The following SELENOO variants were observed in gnomAD, a reference collection of about 807,000 sequenced individuals.
The protein encoded by SELENOO is selenoprotein O.
A neutral mutation model predicts 58.7 loss-of-function variants in SELENOO; 74 were observed. The observed-to-expected ratio is 1.26, with a 90% CI of 1.04 to 1.53. The LOEUF is 1.53. Ranked by LOEUF, SELENOO falls within the 40% of genes most tolerant of loss-of-function variation. The probability of loss-of-function intolerance (pLI) is 0.00; values close to 1 mark genes in which losing one functional copy is unlikely to be tolerated. For missense variants in SELENOO, 1,149 were observed against 970.0 expected (o/e 1.18, Z -2.45); for synonymous variants, 543 against 453.2 (o/e 1.20, Z -2.52).
At chr22:50,216,568 G>C in intron 6 of SELENOO, 123 bp from the exon 7 acceptor site, 1 of 894,334 alleles carries the variant, frequency 1.1e-6, no homozygotes, top group Non-Finnish European at 1.7e-6. Context: ...CTCGGGGACC[G>C]GGCTGCTTGG....
In SELENOO at chr22:50,201,080, C is replaced by T. The variant is rs1233961081; in HGVS notation, c.44C>T (p.Ala15Val). The T allele has an allele frequency of 2.2e-6, 3 of 1,366,252 alleles. No individual in the cohort carries two copies. The highest frequency in any genetic ancestry group is 3.1e-5 in the East Asian group (1 of 32,318). 84.6% of individuals were successfully genotyped at this position (1,366,252 alleles called of 1,614,324 possible). The change falls in exon 1 of 9, where the codon GCC (alanine) becomes GTC (valine). Residue 15 changes from alanine to valine, a missense_variant. Physicochemically the swap from Ala to Val is moderately conservative, Grantham distance 64 (BLOSUM62 0). Coordinates refer to ENST00000380903, the MANE Select transcript of SELENOO (RefSeq NM_031454.2). ...GCGCTCGGGGCTTCGCTCGCGGCTG[C>T]CCGACTCTTGCCCCTCGGTCGCTGT... ...RAALGASLAAARLLPLGRCSP... is the reference protein window; with the variant it reads ...RAALGASLAAVRLLPLGRCSP...
intron 2 of SELENOO, among the ~76,000 whole-genome samples, chr22:50,208,289 G>A (rs887983889): frequency 1.3e-5 from 2 of 152,120 alleles, no homozygotes; most frequent in Non-Finnish European, 2.9e-5. Context: ...AATTAGCTGG[G>A]CGTGGTGGCG....
intron 3 of SELENOO, 121 bp downstream of exon 3, chr22:50,208,837 T>A: frequency 1.0e-6 from 1 of 962,126 alleles, no homozygotes; most frequent in Non-Finnish European, 1.5e-6. Flanking sequence ...CGCCCTTCTC[T>A]GAGCTCCCGC....
rs1473012861 is a variant in SELENOO, at chr22:50,201,776, T to C, written c.554+186T>C. Reference sequence around the variant, plus strand: ...TATCAACCCGCCGAGGACCTTGGAGTCAGCTCCACCAGGGACGCCGCTCAT... The same window carrying C: ...TATCAACCCGCCGAGGACCTTGGAGCCAGCTCCACCAGGGACGCCGCTCAT... On this transcript the variant is annotated intron_variant, in intron 1 of 8. Coordinates refer to ENST00000380903, the MANE Select transcript of SELENOO (RefSeq NM_031454.2). Among the ~76,000 whole-genome samples, 3 of 152,174 alleles carry C rather than the reference T, an allele frequency of 2.0e-5. No homozygotes were observed. The East Asian group carries it at 5.8e-4, about 29-fold the overall frequency.
At chr22:50,216,595 T>G in intron 6 of SELENOO, 96 bp from the exon 7 acceptor site, 6 of 1,199,174 alleles carry the variant, frequency 5.0e-6, no homozygotes, top group African/African-American at 1.5e-5. Context: ...GGACTCTAGG[T>G]GAGCCGTGAG....
chr22:50,206,330 C>A lies in SELENOO; in HGVS notation c.568C>A (p.Arg190Ser). ...PTPFSRQADGRKVLRSSIREF... is the reference protein window; with the variant it reads ...PTPFSRQADGSKVLRSSIREF... Reference sequence around the variant, plus strand: ...GTTTGGTTTCAGACAGGCCGACGGTCGCAAGGTCCTACGGTCAAGCATCCG... The same window carrying A: ...GTTTGGTTTCAGACAGGCCGACGGTAGCAAGGTCCTACGGTCAAGCATCCG... Residue 190 changes from arginine (R) to serine (S), a missense_variant, in exon 2 of 9, where the codon CGC becomes AGC. Arg to Ser is a moderately radical substitution (Grantham distance 110, BLOSUM62 -1). Coordinates refer to ENST00000380903, the MANE Select transcript of SELENOO (RefSeq NM_031454.2). 1 of 1,613,736 alleles carries A rather than the reference C, an allele frequency of 6.2e-7. No individual in the cohort carries two copies. Among genetic ancestry groups the A allele is most frequent in the South Asian group, 1.1e-5 (1 of 91,026 alleles).
In SELENOO at chr22:50,204,597, G is replaced by A. The variant is rs187874557; in HGVS notation, c.555-1720G>A. ...AGCCGAGATCACGCCACTGTCCCTG[G>A]GTGACAGAGTGAGACCCTGTCTCAA... On this transcript the variant is annotated intron_variant, in intron 1 of 8. Coordinates refer to ENST00000380903, the MANE Select transcript of SELENOO (RefSeq NM_031454.2). 1.1e-3 allele frequency among the ~76,000 whole-genome samples: 165 copies of A among 150,658 alleles called. 1 individual carries two copies. Among genetic ancestry groups the A allele is most frequent in the Admixed American group, 8.9e-3 (135 of 15,096 alleles).
chr22:50,210,221 G>A lies in SELENOO; in HGVS notation c.980G>A (p.Cys327Tyr). The A allele has an allele frequency of 1.9e-6, 3 of 1,613,390 alleles. No homozygotes were observed. The highest frequency in any genetic ancestry group is 2.5e-6 in the Non-Finnish European group (3 of 1,179,958). Residue 327 changes from cysteine to tyrosine, a missense_variant, in exon 4 of 9, where the codon TGT becomes TAT. Coordinates refer to ENST00000380903, the MANE Select transcript of SELENOO (RefSeq NM_031454.2). Reference sequence around the variant, plus strand: ...GCGCGGATGGTGGCCGAGTGGCAGTGTGTGGGCTTCTGCCACGGCGTGCTC... The same window carrying A: ...GCGCGGATGGTGGCCGAGTGGCAGTATGTGGGCTTCTGCCACGGCGTGCTC... Reference protein sequence around the residue: ...RTARMVAEWQCVGFCHGVLNT... With the variant: ...RTARMVAEWQYVGFCHGVLNT...
chr22:50,212,889 C>T (rs1307294049), intron 5 of SELENOO, among the ~76,000 whole-genome samples: 2 of 151,976 alleles, frequency 1.3e-5, no homozygotes, highest in South Asian at 2.1e-4. Context: ...AGTTACGCAG[C>T]GTGTGCCTGT....
In SELENOO at chr22:50,210,288, C is replaced by T. The variant is rs529648565; in HGVS notation, c.1047C>T (p.Tyr349=). Residue 349 remains tyrosine (Y), a synonymous_variant, in exon 4 of 9, where the codon TAC becomes TAT. Transcript: ENST00000380903. The part of the protein sequence containing the change: ...NMSILGLTID[Y]GPFGFLDRYD... Reference sequence around the variant, plus strand: ...GCATCCTGGGGCTCACCATCGACTACGGGCCCTTTGGCTTCCTGGACAGGT... The same window carrying T: ...GCATCCTGGGGCTCACCATCGACTATGGGCCCTTTGGCTTCCTGGACAGGT... 21 of 1,613,296 alleles carry T rather than the reference C, an allele frequency of 1.3e-5. No homozygotes were observed. Among genetic ancestry groups the T allele is most frequent in the Admixed American group, 6.7e-5 (4 of 60,002 alleles).
chr22:50,210,092 A>G (rs1602492396), intron 3 of SELENOO, 89 bp from the exon 4 acceptor site: 4 of 1,497,676 alleles, frequency 2.7e-6, no homozygotes, highest in Middle Eastern at 2.3e-4. Flanking sequence ...AGCGAAGCAC[A>G]GCCGGTTTCA....
At position 50,210,647 on chromosome 22, in the gene SELENOO, G is replaced by C. The variant is rs370093766; in HGVS notation, c.1087G>C (p.Val363Leu). 1.1e-4 allele frequency: 174 copies of C among 1,612,766 alleles called. No homozygotes were observed. Among genetic ancestry groups the C allele is most frequent in the Non-Finnish European group, 1.4e-4 (167 of 1,179,854 alleles). ...GFLDRYDPDHVCNASDNTGRY... is the reference protein window; with the variant it reads ...GFLDRYDPDHLCNASDNTGRY... ...GTGTGGCAGGTACGACCCCGACCACGTGTGCAATGCCTCCGACAACACCGG... is the reference window on the plus strand; with the variant it reads ...GTGTGGCAGGTACGACCCCGACCACCTGTGCAATGCCTCCGACAACACCGG... The change falls in exon 5 of 9, where the codon GTG becomes CTG. Residue 363 changes from valine (V) to leucine (L), a missense_variant. Physicochemically the swap from Val to Leu is conservative, Grantham distance 32. Transcript: ENST00000380903.
Position 50,206,494 on chromosome 22 carries a change from G to A in SELENOO, c.732G>A (p.Val244=), listed in dbSNP as rs1159051899. 3 of 1,613,844 alleles carry A rather than the reference G, an allele frequency of 1.9e-6. No homozygotes were observed. Among genetic ancestry groups the A allele is most frequent in the Admixed American group, 1.7e-5 (1 of 59,974 alleles). Residue 244 remains valine (V), a synonymous_variant, in exon 2 of 9, where the codon GTG becomes GTA. Coordinates refer to ENST00000380903, the MANE Select transcript of SELENOO (RefSeq NM_031454.2). ...GNPKYEQCTV[V]LRVASTFIRF... ...CCAAATATGAACAATGCACGGTTGT[G>A]TTGCGTGTAGCTTCCACTTTCATAA...
Position 50,205,831 on chromosome 22 carries a change from C to T in SELENOO, c.555-486C>T, listed in dbSNP as rs796289740. 3.0e-5 allele frequency: 5 copies of T among 168,790 alleles called. 1 individual carries two copies. The highest frequency in any genetic ancestry group is 1.2e-4 in the Admixed American group (2 of 16,850). 10.5% of individuals were successfully genotyped at this position (168,790 alleles called of 1,614,324 possible). On this transcript the variant is annotated intron_variant, in intron 1 of 8. Transcript: ENST00000380903. ...AGGCCAGCGCTGTCGGAGCCTCGGG[C>T]GGGTTTTGCGGGGCGGGCAGCTGGC...
intron 1 of SELENOO, among the ~76,000 whole-genome samples, chr22:50,204,670 T>C (rs2064321754): frequency 6.6e-6 from 1 of 151,390 alleles, no homozygotes; most frequent in Non-Finnish European, 1.5e-5. Flanking sequence ...TGTGGAGAAA[T>C]TGGAACCCTT....
At chr22:50,203,004 C>T (rs916250497) in intron 1 of SELENOO, among the ~76,000 whole-genome samples, 1 of 152,208 alleles carries the variant, frequency 6.6e-6, no homozygotes, top group Admixed American at 6.5e-5. Flanking sequence ...GACAACGGTA[C>T]TCTTTGAAGA....
intron 5 of SELENOO, 140 bp downstream of exon 5, chr22:50,211,051 C>CT: frequency 1.2e-6 from 1 of 858,714 alleles, no homozygotes; most frequent in Non-Finnish European, 1.8e-6. Context: ...ATTCTACTCT[C>CT]TGTCTTTATG....
intron 5 of SELENOO, among the ~76,000 whole-genome samples, chr22:50,215,230 G>A (rs2064397331): frequency 6.6e-6 from 1 of 152,174 alleles, no homozygotes; most frequent in African/African-American, 2.4e-5. Context: ...TCCCAAAGCA[G>A]GCAGTTGTGA....
chr22:50,217,107 C>A lies in SELENOO; in HGVS notation c.1824C>A (p.Ala608=). Residue 608 remains alanine, a synonymous_variant, in exon 8 of 9, where the codon GCC becomes GCA. Coordinates refer to ENST00000380903, the MANE Select transcript of SELENOO (RefSeq NM_031454.2). ...NYIAQNAIEA[A]ERGDFSEVRR... ...TCGCGCAGAATGCCATCGAGGCTGC[C>A]GAGCGCGGGGACTTCTCAGAGGCAA... 6.2e-7 allele frequency: 1 copy of A among 1,612,970 alleles called. No individual in the cohort carries two copies. Among genetic ancestry groups the A allele is most frequent in the South Asian group, 1.1e-5 (1 of 91,072 alleles).
Sources: gnomAD v4.1 joint callset for allele counts (sites outside exome capture counted in the v4.1 genomes callset) on GRCh38, gnomAD v4.1.1 for gene constraint, MANE v1.5 for transcripts, NCBI Gene and HGNC (gene_info 2026-07-23, HGNC 2026-07-21) for gene names.